The following CUX1 variants were observed in gnomAD, a reference collection of about 807,000 sequenced individuals.
CUX1 encodes protein CASP.
In CUX1, 31 loss-of-function variants were observed where a neutral mutation model predicts 158.8. That is an observed-to-expected ratio of 0.20 (90% CI 0.15 to 0.26). CUX1 has a LOEUF of 0.26. Ranked by LOEUF, CUX1 falls within the 10% of genes least tolerant of loss-of-function variation. CUX1 has a pLI of 1.00. For missense variants in CUX1, 1,589 were observed against 2,014.6 expected, an observed-to-expected ratio of 0.79 and a Z score of 4.04; for synonymous variants, 879 against 862.1, an observed-to-expected ratio of 1.02 and a Z score of -0.34.
chr7:102,227,307 G>A, intron 20 of CUX1, 60 bp from the exon 21 acceptor site: 2 of 1,433,644 alleles, frequency 1.4e-6, no homozygotes, highest in Admixed American at 3.7e-5. Context: ...AAGGAACGTA[G>A]ATGGTCGTGG....
At chr7:101,931,516 T>A (rs1426990217) in intron 2 of CUX1, among the ~76,000 whole-genome samples, 1 of 152,208 alleles carries the variant, frequency 6.6e-6, no homozygotes, top group African/African-American at 2.4e-5. Flanking sequence ...AGAGGGAAAC[T>A]GAGGCCCAGA....
intron 4 of CUX1, among the ~76,000 whole-genome samples, chr7:102,087,028 CTTTATG>C (rs1828020929): frequency 2.0e-5 from 3 of 152,086 alleles, no homozygotes; most frequent in South Asian, 2.1e-4. Context: ...CTGTCTGTAT[CTTTATG>C]TTTAAGTTAT....
intron 1 of CUX1, among the ~76,000 whole-genome samples, chr7:101,874,325 C>T (rs1422582829): frequency 6.6e-6 from 1 of 152,154 alleles, no homozygotes; most frequent in Non-Finnish European, 1.5e-5. Context: ...TTCAATTAAT[C>T]CTCACCGCAT....
At chr7:102,051,654 C>CAAAAAAAAAAAAAAAAAAAAAAAAAA (rs1299911064) in intron 3 of CUX1, among the ~76,000 whole-genome samples, 2 of 89,744 alleles carry the variant, frequency 2.2e-5, no homozygotes, top group African/African-American at 8.0e-5. Flanking sequence ...GACTCTGTCT[C>CAAAAAAAAAAAAAAAAAAAAAAAAAA]AAAAAAAAAA....
chr7:102,121,215 T>C (rs1345038480), intron 8 of CUX1, among the ~76,000 whole-genome samples: 2 of 152,200 alleles, frequency 1.3e-5, no homozygotes, highest in African/African-American at 4.8e-5. Flanking sequence ...TTATTCAGGC[T>C]GGAGTGCAGT....
At chr7:101,915,813 T>G (rs1804123918) in intron 1 of CUX1, among the ~76,000 whole-genome samples, 1 of 152,128 alleles carries the variant, frequency 6.6e-6, no homozygotes, top group Non-Finnish European at 1.5e-5. Context: ...GCAAGAAAGA[T>G]GTTTCTGTGT....
intron 2 of CUX1, among the ~76,000 whole-genome samples, chr7:101,939,839 T>G (rs1419817335): frequency 6.6e-6 from 1 of 151,842 alleles, no homozygotes; most frequent in Non-Finnish European, 1.5e-5. Context: ...AGCTCACACT[T>G]TGGGAGGCCA....
chr7:101,885,032 G>A (rs1562963806), intron 1 of CUX1, among the ~76,000 whole-genome samples: 2 of 152,148 alleles, frequency 1.3e-5, no homozygotes, highest in Non-Finnish European at 2.9e-5. Flanking sequence ...CATGTCCTCT[G>A]TAGTGCCTAT....
At chr7:102,167,778 G>A (rs868916037) in intron 9 of CUX1, among the ~76,000 whole-genome samples, 2 of 152,134 alleles carry the variant, frequency 1.3e-5, no homozygotes, top group South Asian at 4.1e-4. Context: ...ACATTTTTCT[G>A]TAGTCTTAAT....
intron 2 of CUX1, among the ~76,000 whole-genome samples, chr7:101,984,105 T>TATATATATATATATATATATAC (rs1813902107): frequency 2.9e-5 from 1 of 34,132 alleles, no homozygotes; most frequent in African/African-American, 1.1e-4. Flanking sequence ...TATATATATA[T>TATATATATATATATATATATAC]ATATATATAT....
chr7:102,195,727 A>C, intron 14 of CUX1, 124 bp downstream of exon 14: 1 of 825,932 alleles, frequency 1.2e-6, no homozygotes, highest in Non-Finnish European at 1.9e-6. Context: ...GTTGACGAGA[A>C]CCTTTGACTA....
chr7:101,971,774 C>T (rs1037878547), intron 2 of CUX1, among the ~76,000 whole-genome samples: 11 of 152,142 alleles, frequency 7.2e-5, no homozygotes, highest in Admixed American at 2.0e-4. Context: ...GTTTCATTGC[C>T]GGTTACAAGT....
intron 2 of CUX1, among the ~76,000 whole-genome samples, chr7:101,968,712 C>T (rs1284934509): frequency 6.6e-6 from 1 of 152,176 alleles, no homozygotes; most frequent in Non-Finnish European, 1.5e-5. Context: ...CATGAGCCAC[C>T]ATGCCCGGCC....
At chr7:101,936,490 C>G (rs75341691) in intron 2 of CUX1, among the ~76,000 whole-genome samples, 1 of 152,110 alleles carries the variant, frequency 6.6e-6, no homozygotes, top group African/African-American at 2.4e-5. Context: ...ATGGGAACCC[C>G]GGGGAGGAAG....
At chr7:102,078,758 T>C (rs527964043) in intron 4 of CUX1, among the ~76,000 whole-genome samples, 1 of 152,344 alleles carries the variant, frequency 6.6e-6, no homozygotes, top group African/African-American at 2.4e-5. Flanking sequence ...ATGTAGGTTT[T>C]TCGGAAGTCC....
At chr7:102,016,710 AGTT>A (rs1264247199) in intron 2 of CUX1, among the ~76,000 whole-genome samples, 4 of 152,330 alleles carry the variant, frequency 2.6e-5, no homozygotes, top group African/African-American at 9.6e-5. Context: ...CATTGTTCCC[AGTT>A]GTTCTCTGTT....
rs577037403 is a variant in CUX1 at position 101,989,497 on chromosome 7, A to C, written c.142-38601A>C. 2.0e-4 allele frequency among the ~76,000 whole-genome samples: 30 copies of C among 152,342 alleles called. No individual in the cohort carries two copies. The East Asian group carries it at 5.4e-3, about 27-fold the overall frequency. On this transcript the variant is annotated intron_variant, in intron 2 of 23. Coordinates refer to ENST00000292535, the MANE Select transcript of CUX1 (RefSeq NM_181552.4). Reference sequence around the variant, plus strand: ...GCCCCCATGGAAGGTCCCGGAGCCCAAATTCAAACCCGAGTGGAGCGTTCT... The same window carrying C: ...GCCCCCATGGAAGGTCCCGGAGCCCCAATTCAAACCCGAGTGGAGCGTTCT...
chr7:102,193,872 C>T lies in CUX1; in HGVS notation c.1107C>T (p.Ser369=), dbSNP rs1229054810. 9.9e-6 allele frequency: 16 copies of T among 1,613,890 alleles called. No individual in the cohort carries two copies. The Middle Eastern group carries it at 4.9e-4, about 50-fold the overall frequency. ...NILKSMEFAP[S]EGAGTQDAAK... is the part of the protein sequence containing the mutation. ...TGAAGTCCATGGAGTTTGCACCGTCCGAGGGCGCTGGGACACAGGTACGTG... is the reference window on the plus strand; with the variant it reads ...TGAAGTCCATGGAGTTTGCACCGTCTGAGGGCGCTGGGACACAGGTACGTG... Residue 369 remains serine, a synonymous_variant, in exon 13 of 24, where the codon TCC becomes TCT. Transcript: ENST00000292535.
intron 5 of CUX1, among the ~76,000 whole-genome samples, chr7:102,101,808 A>C (rs1045782279): frequency 1.3e-5 from 2 of 151,894 alleles, no homozygotes. Context: ...GCTCTTCGGG[A>C]GACTGAGGCA....
Sources: gnomAD v4.1 joint callset for allele counts (sites outside exome capture counted in the v4.1 genomes callset) on GRCh38, gnomAD v4.1.1 for gene constraint, MANE v1.5 for transcripts, NCBI Gene and HGNC (gene_info 2026-07-23, HGNC 2026-07-21) for gene names.